The following EPHA6 variants were observed in gnomAD, a reference collection of about 807,000 sequenced individuals.
EPHA6 encodes the protein ephrin type-A receptor 6.
Under a neutral mutation model 112.0 loss-of-function variants are expected in EPHA6, and 50 were observed. The observed-to-expected ratio is 0.45, with a 90% CI of 0.36 to 0.56. The LOEUF (loss-of-function observed/expected upper bound fraction) is 0.56. Among genes scored for constraint, EPHA6 ranks in the 20% least tolerant of loss-of-function variants. The pLI, the probability that EPHA6 is intolerant of heterozygous loss-of-function variation, is 0.00. For missense variants in EPHA6, 1,280 were observed against 1,417.4 expected (o/e 0.90, Z 1.56); for synonymous variants, 529 against 490.7 (o/e 1.08, Z -1.03).
At chr3:97,500,729 C>A (rs1354114754) in intron 10 of EPHA6, among the ~76,000 whole-genome samples, 2 of 152,070 alleles carry the variant, frequency 1.3e-5, no homozygotes, top group Non-Finnish European at 2.9e-5. Context: ...CTGGATATAC[C>A]TGAATTAATT....
At chr3:97,124,590 C>T (rs567321898) in intron 3 of EPHA6, among the ~76,000 whole-genome samples, 4 of 152,176 alleles carry the variant, frequency 2.6e-5, no homozygotes, top group African/African-American at 9.6e-5. Context: ...TAGATTAGAG[C>T]GAGGTTAGTA....
chr3:97,175,217 A>G (rs2076804172), intron 3 of EPHA6, among the ~76,000 whole-genome samples: 2 of 151,616 alleles, frequency 1.3e-5, no homozygotes, highest in South Asian at 4.2e-4. Flanking sequence ...AGGTGTGTGG[A>G]TTTGTTTCTG....
At chr3:97,134,469 A>G (rs2075718751) in intron 3 of EPHA6, among the ~76,000 whole-genome samples, 1 of 152,122 alleles carries the variant, frequency 6.6e-6, no homozygotes, top group Non-Finnish European at 1.5e-5. Context: ...CTTGAGTGCA[A>G]TCAGGGTTGA....
At chr3:96,872,829 T>G (rs917861133) in intron 2 of EPHA6, among the ~76,000 whole-genome samples, 4 of 152,034 alleles carry the variant, frequency 2.6e-5, no homozygotes, top group Non-Finnish European at 5.9e-5. Context: ...TATATGTAGG[T>G]ATAGTTTTTC....
chr3:97,022,882 T>C lies in EPHA6; in HGVS notation c.1114+34889T>C, dbSNP rs2044509987. On this transcript the variant is annotated intron_variant, in intron 3 of 17. Transcript: ENST00000389672. ...ACCTTTTCTTTGTTTTCTGCCTGAA[T>C]GAGTATTAGCAGGCCAGCTTGAGCA... Among the ~76,000 whole-genome samples the C allele has an allele frequency of 2.6e-5, 4 of 152,312 alleles. No individual in the cohort carries two copies. In the South Asian group the frequency reaches 8.3e-4, roughly 32 times the overall value.
At chr3:96,878,055 T>A (rs1051052952) in intron 2 of EPHA6, among the ~76,000 whole-genome samples, 2 of 151,876 alleles carry the variant, frequency 1.3e-5, no homozygotes, top group Non-Finnish European at 2.9e-5. Flanking sequence ...AATTATAGGC[T>A]TACCTTAAAT....
intron 5 of EPHA6, among the ~76,000 whole-genome samples, chr3:97,281,115 G>T (rs1354674951): frequency 5.3e-5 from 8 of 151,994 alleles, no homozygotes; most frequent in African/African-American, 1.5e-4. Flanking sequence ...CACTAGAGAG[G>T]TGTCATAAAA....
chr3:97,393,790 T>C (rs945291739), intron 5 of EPHA6, among the ~76,000 whole-genome samples: 2 of 151,748 alleles, frequency 1.3e-5, no homozygotes, highest in Non-Finnish European at 3.0e-5. Flanking sequence ...TTCTAAGAGA[T>C]CGACTTTTTT....
intron 13 of EPHA6, among the ~76,000 whole-genome samples, chr3:97,615,456 G>T (rs1010041004): frequency 6.6e-6 from 1 of 152,158 alleles, no homozygotes; most frequent in African/African-American, 2.4e-5. Context: ...CTGAATCCAG[G>T]GGGCAGAGCA....
At chr3:97,682,718 C>G (rs1560262464) in intron 14 of EPHA6, among the ~76,000 whole-genome samples, 1 of 152,156 alleles carries the variant, frequency 6.6e-6, no homozygotes, top group East Asian at 1.9e-4. Flanking sequence ...GCCCACCGTG[C>G]ACAGTATATA....
At chr3:97,382,597 C>CTA (rs1381686913) in intron 5 of EPHA6, among the ~76,000 whole-genome samples, 1 of 151,986 alleles carries the variant, frequency 6.6e-6, no homozygotes, top group Non-Finnish European at 1.5e-5. Flanking sequence ...TTTCAAATAA[C>CTA]TAAAGCATTT....
At chr3:97,230,812 G>A (rs1391404641) in intron 4 of EPHA6, among the ~76,000 whole-genome samples, 1 of 152,094 alleles carries the variant, frequency 6.6e-6, no homozygotes, top group African/African-American at 2.4e-5. Flanking sequence ...AGCAGTAATG[G>A]GGAGGTAAAA....
chr3:97,232,350 G>A lies in EPHA6; in HGVS notation c.1270+5931G>A, dbSNP rs144482697. 7.0e-3 allele frequency among the ~76,000 whole-genome samples: 1,072 copies of A among 152,250 alleles called. 3 individuals carry two copies. Among genetic ancestry groups the A allele is most frequent in the Admixed American group, 0.011 (175 of 15,284 alleles). On this transcript the variant is annotated intron_variant, in intron 4 of 17. Coordinates refer to ENST00000389672, the MANE Select transcript of EPHA6 (RefSeq NM_001080448.3). ...AAAGAAAGCTGTTCTCTTACAATTC[G>A]TTTTGAAAGAGTGTCTGGTAAGTTA... is the stretch of plus-strand genomic sequence containing the variant.
chr3:97,351,202 G>A (rs551972800), intron 5 of EPHA6, among the ~76,000 whole-genome samples: 2 of 152,222 alleles, frequency 1.3e-5, no homozygotes, highest in South Asian at 4.1e-4. Context: ...AGTGGAAATG[G>A]GCTGGAAAAC....
chr3:97,228,322 A>G (rs548108855), intron 4 of EPHA6, among the ~76,000 whole-genome samples: 13 of 152,114 alleles, frequency 8.5e-5, no homozygotes, highest in African/African-American at 2.9e-4. Flanking sequence ...CTACCCTCCC[A>G]TCCTTCCCCA....
intron 11 of EPHA6, among the ~76,000 whole-genome samples, chr3:97,591,891 G>A (rs888886225): frequency 6.6e-6 from 1 of 151,796 alleles, no homozygotes; most frequent in South Asian, 2.1e-4. Context: ...TCTAAAATGA[G>A]TGGTTTTAAC....
intron 11 of EPHA6, chr3:97,560,349 A>C (rs2093171151): frequency 6.6e-6 from 1 of 151,998 alleles, no homozygotes; most frequent in Non-Finnish European, 1.5e-5. Context: ...GTTTTGTTCA[A>C]CAGATAGTGT....
At chr3:97,392,891 G>A (rs940337098) in intron 5 of EPHA6, among the ~76,000 whole-genome samples, 2 of 151,350 alleles carry the variant, frequency 1.3e-5, no homozygotes, top group Admixed American at 6.6e-5. Context: ...ATCAGCTGAC[G>A]CCCAGAAGTT....
intron 1 of EPHA6, among the ~76,000 whole-genome samples, chr3:96,827,065 A>C (rs1223738646): frequency 6.6e-6 from 1 of 152,116 alleles, no homozygotes; most frequent in Non-Finnish European, 1.5e-5. Flanking sequence ...GTGTAGTTTG[A>C]TGCCAGAGAG....
Sources: gnomAD v4.1 joint callset for allele counts (sites outside exome capture counted in the v4.1 genomes callset) on GRCh38, gnomAD v4.1.1 for gene constraint, MANE v1.5 for transcripts, NCBI Gene and HGNC (gene_info 2026-07-23, HGNC 2026-07-21) for gene names.